The following UBE2N variants were observed in gnomAD, a reference collection of about 807,000 sequenced individuals.
UBE2N encodes ubiquitin-conjugating enzyme E2 N.
For missense variants in UBE2N, 60 were observed against 192.1 expected, an observed-to-expected ratio of 0.31 and a Z score of 4.07; for synonymous variants, 70 against 69.2, an observed-to-expected ratio of 1.01 and a Z score of -0.06.
intron 1 of UBE2N, among the ~76,000 whole-genome samples, chr12:93,439,696 CTACA>C (rs990377507): frequency 6.6e-6 from 1 of 152,046 alleles, no homozygotes; most frequent in Admixed American, 6.6e-5. Context: ...ATGGAACAAC[CTACA>C]TAACACAAGC....
chr12:93,440,455 C>A (rs1453126439), intron 1 of UBE2N, among the ~76,000 whole-genome samples: 1 of 152,202 alleles, frequency 6.6e-6, no homozygotes, highest in East Asian at 1.9e-4. Flanking sequence ...TTCTACCATA[C>A]AAAAACGTCT....
At position 93,408,812 on chromosome 12, in the gene UBE2N, T is replaced by C. The variant is rs1213834576; in HGVS notation, c.*1227A>G. Reference sequence around the variant, plus strand: ...ACACACAAGCTAGATAGTTGAGATCTGCTCATCAGGTTTATAAGGAAGACT... The same window carrying C: ...ACACACAAGCTAGATAGTTGAGATCCGCTCATCAGGTTTATAAGGAAGACT... On this transcript the variant is annotated 3_prime_UTR_variant, in exon 4 of 4. Coordinates refer to ENST00000318066, the MANE Select transcript of UBE2N (RefSeq NM_003348.4). 1 of 152,506 alleles carries C rather than the reference T, an allele frequency of 6.6e-6. No homozygotes were observed. The highest frequency in any genetic ancestry group is 1.5e-5 in the Non-Finnish European group (1 of 68,042). 9.4% of individuals were successfully genotyped at this position (152,506 alleles called of 1,614,324 possible).
chr12:93,440,590 A>T (rs930031723), intron 1 of UBE2N, among the ~76,000 whole-genome samples: 16 of 152,214 alleles, frequency 1.1e-4, no homozygotes, highest in Non-Finnish European at 2.1e-4. Context: ...TCCACTTAGT[A>T]TGCATCTCCC....
chr12:93,426,130 T>C (rs1444846988), intron 1 of UBE2N, among the ~76,000 whole-genome samples: 1 of 152,180 alleles, frequency 6.6e-6, no homozygotes, highest in African/African-American at 2.4e-5. Context: ...GATTATCTCG[T>C]CCTGCACTAC....
At chr12:93,423,841 G>GTC (rs1878492466) in intron 1 of UBE2N, among the ~76,000 whole-genome samples, 1 of 152,078 alleles carries the variant, frequency 6.6e-6, no homozygotes, top group Non-Finnish European at 1.5e-5. Flanking sequence ...TACTGTTTTA[G>GTC]TCTTCCCTGC....
intron 1 of UBE2N, among the ~76,000 whole-genome samples, chr12:93,417,344 A>G (rs1164134414): frequency 6.6e-6 from 1 of 152,338 alleles, no homozygotes; most frequent in Non-Finnish European, 1.5e-5. Context: ...CATTCTGTCA[A>G]CCTATCTCTA....
intron 1 of UBE2N, among the ~76,000 whole-genome samples, chr12:93,411,961 A>T (rs542524076): frequency 7.9e-5 from 12 of 152,204 alleles, no homozygotes; most frequent in Non-Finnish European, 1.8e-4. Flanking sequence ...CAAAGTGCTG[A>T]GATTACAGGT....
chr12:93,433,593 A>T (rs1391923225), intron 1 of UBE2N, among the ~76,000 whole-genome samples: 1 of 152,182 alleles, frequency 6.6e-6, no homozygotes, highest in Non-Finnish European at 1.5e-5. Context: ...CTTTTCCTTG[A>T]TATAATATTA....
chr12:93,422,843 C>T (rs1373851004), intron 1 of UBE2N, among the ~76,000 whole-genome samples: 1 of 152,068 alleles, frequency 6.6e-6, no homozygotes, highest in Non-Finnish European at 1.5e-5. Context: ...AATTCCCCCA[C>T]TCATTCATAT....
At chr12:93,436,015 T>A (rs1565798880) in intron 1 of UBE2N, among the ~76,000 whole-genome samples, 1 of 152,206 alleles carries the variant, frequency 6.6e-6, no homozygotes. Context: ...TCCAGCAGGT[T>A]GACTCACTAG....
At chr12:93,437,269 A>C (rs7299705) in intron 1 of UBE2N, among the ~76,000 whole-genome samples, 12,406 of 152,018 alleles carry the variant, frequency 0.082, 1,601 homozygotes, top group African/African-American at 0.28. Context: ...GATATTAGGA[A>C]TTCGAGGCTG....
intron 1 of UBE2N, among the ~76,000 whole-genome samples, chr12:93,441,609 G>T (rs1291561332): frequency 6.6e-6 from 1 of 152,024 alleles, no homozygotes; most frequent in African/African-American, 2.4e-5. Context: ...GCACTCCCTG[G>T]CCCGCCGGGC....
chr12:93,436,776 G>A (rs73366072), intron 1 of UBE2N, among the ~76,000 whole-genome samples: 6,304 of 152,024 alleles, frequency 0.041, 448 homozygotes, highest in African/African-American at 0.14. Context: ...CACTTTTATT[G>A]GCTAAAAGAG....
At chr12:93,432,449 T>A (rs1428035455) in intron 1 of UBE2N, among the ~76,000 whole-genome samples, 6 of 150,312 alleles carry the variant, frequency 4.0e-5, no homozygotes, top group Admixed American at 4.0e-4. Context: ...CATAGTAAGA[T>A]GGTAATCTAG....
At chr12:93,438,792 C>T (rs1020866915) in intron 1 of UBE2N, among the ~76,000 whole-genome samples, 1 of 152,094 alleles carries the variant, frequency 6.6e-6, no homozygotes, top group African/African-American at 2.4e-5. Context: ...AAAGCAGAAC[C>T]TACAGAATTT....
chr12:93,434,886 G>C, intron 1 of UBE2N, among the ~76,000 whole-genome samples: 1 of 150,830 alleles, frequency 6.6e-6, no homozygotes, highest in African/African-American at 2.5e-5. Context: ...ATCATAATGA[G>C]TTTGTATTTA....
At chr12:93,432,032 G>C (rs1015207198) in intron 1 of UBE2N, among the ~76,000 whole-genome samples, 34 of 152,296 alleles carry the variant, frequency 2.2e-4, no homozygotes, top group African/African-American at 7.9e-4. Flanking sequence ...AGGAGTTTGA[G>C]ACCAGCCTGA....
rs192443258 is a variant in UBE2N at position 93,428,637 on chromosome 12, C to T, written c.30+13218G>A. Among the ~76,000 whole-genome samples, 21 of 152,320 alleles carry T rather than the reference C, an allele frequency of 1.4e-4. 1 individual carries two copies. Among genetic ancestry groups the T allele is most frequent in the African/African-American group, 5.1e-4 (21 of 41,576 alleles). ...GACCAGTGTTTCTGCAAAGTGTACA[C>T]TAAAATCATAAGCAGCTCTTAAAAC... On this transcript the variant is annotated intron_variant, in intron 1 of 3. Coordinates refer to ENST00000318066, the MANE Select transcript of UBE2N (RefSeq NM_003348.4).
rs141386190 is a variant in UBE2N at position 93,417,445 on chromosome 12, A to G, written c.31-6146T>C. Among the ~76,000 whole-genome samples, 390 of 152,358 alleles carry G rather than the reference A, an allele frequency of 2.6e-3. 5 individuals are homozygous for G. Among genetic ancestry groups the G allele is most frequent in the African/African-American group, 9.1e-3 (378 of 41,590 alleles). ...TTAGATGCTCTTCTGCAAGGCAATG[A>G]TTGGAGTATGTACAGTAAAATTTTG... is the stretch of plus-strand genomic sequence containing the variant. On this transcript the variant is annotated intron_variant, in intron 1 of 3. Transcript: ENST00000318066.
Sources: gnomAD v4.1 joint callset for allele counts (sites outside exome capture counted in the v4.1 genomes callset) on GRCh38, gnomAD v4.1.1 for gene constraint, MANE v1.5 for transcripts, NCBI Gene and HGNC (gene_info 2026-07-23, HGNC 2026-07-21) for gene names.